PTPRN: variants seen among roughly 807,000 people sequenced by gnomAD.
PTPRN encodes receptor-type tyrosine-protein phosphatase-like N.
PTPRN carries 70 observed loss-of-function variants against 108.5 expected under a neutral mutation model. The ratio of observed to expected loss-of-function variants is 0.65; its 90% confidence interval spans 0.53 to 0.79. The LOEUF (loss-of-function observed/expected upper bound fraction) is 0.79, where lower values mean the gene tolerates loss of function less well. PTPRN is among the 30% of genes least tolerant of loss of function. The pLI is 0.00. For synonymous variants in PTPRN, 496 were observed against 524.6 expected (o/e 0.95, Z 0.75); for missense variants, 1,136 against 1,295.5 (o/e 0.88, Z 1.89).
chr2:219,295,130 C>T lies in PTPRN; in HGVS notation c.2520G>A (p.Val840=), dbSNP rs759397055. 6.2e-6 allele frequency: 10 copies of T among 1,610,416 alleles called. No homozygotes were observed. In the South Asian group the frequency reaches 7.7e-5, roughly 12 times the overall value. ...AGTCCTCGCACCAGATGTGCTCCGACACCAGGTTCACCTGCCCGGCAGGGG... is the reference window on the plus strand; with the variant it reads ...AGTCCTCGCACCAGATGTGCTCCGATACCAGGTTCACCTGCCCGGCAGGGG... ...SLYHVYEVNL[V]SEHIWCEDFL... is the part of the protein sequence containing the mutation. Residue 840 remains valine (V), a synonymous_variant, in exon 19 of 23, where the codon GTG becomes GTA. Transcript: ENST00000295718.
intron 3 of PTPRN, among the ~76,000 whole-genome samples, chr2:219,305,215 T>C (rs371211736): frequency 6.6e-6 from 1 of 152,050 alleles, no homozygotes; most frequent in Admixed American, 6.6e-5. Flanking sequence ...TGAGAGGAAG[T>C]TGATGGTTCC....
At chr2:219,294,057 TG>T (rs772305631) in intron 19 of PTPRN, 29 of 516,430 alleles carry the variant, frequency 5.6e-5, no homozygotes, top group Admixed American at 2.0e-4. Flanking sequence ...CTGTACCCCT[TG>T]CTCCCAGCTC....
intron 12 of PTPRN, 139 bp downstream of exon 12, chr2:219,298,908 G>C (rs1952270020): frequency 1.1e-6 from 1 of 949,270 alleles, no homozygotes; most frequent in Non-Finnish European, 1.7e-6. Flanking sequence ...GGGAGGGGCT[G>C]CTTGGGCGAA....
rs1485465859 is a variant in PTPRN, at chr2:219,303,740, C to T, written c.372G>A (p.Arg124=). 6.2e-7 allele frequency: 1 copy of T among 1,613,532 alleles called. No individual in the cohort carries two copies. Among genetic ancestry groups the T allele is most frequent in the Non-Finnish European group, 8.5e-7 (1 of 1,179,528 alleles). The change falls in exon 4 of 23, where the codon AGG becomes AGA. Residue 124 remains arginine, a synonymous_variant. Transcript: ENST00000295718. The part of the protein sequence containing the change: ...PRLRPPEPRP[R]DRSGLAPKRP... ...TGTAGAGAAAGGCTGCCTACCTGTCCCTTGGACGGGGCTCTGGGGGGCGAA... is the reference window on the plus strand; with the variant it reads ...TGTAGAGAAAGGCTGCCTACCTGTCTCTTGGACGGGGCTCTGGGGGGCGAA...
chr2:219,290,981 G>A lies in PTPRN; in HGVS notation c.2730-91C>T, dbSNP rs906098916. On this transcript the variant is annotated intron_variant, in intron 20 of 22. Transcript: ENST00000295718. This position sits in a 1 kb window ranked among gnomAD's most constrained non-coding sequence, Gnocchi z 4.2. The stretch of plus-strand genomic sequence containing the variant: ...CGAGGAGGCCTGGAGGCCTGGGGGA[G>A]GGGAGGACACTGGGTGACCCGTTGG... The A allele has an allele frequency of 1.3e-5, 17 of 1,297,030 alleles. No individual in the cohort carries two copies. The highest frequency in any genetic ancestry group is 1.8e-4 in the Middle Eastern group (1 of 5,472). The allele number at this position is 1,297,030 out of a possible 1,614,324, so 80.3% of individuals were successfully genotyped here.
rs928328324 is a variant in PTPRN, at chr2:219,290,440, G to A, written c.2868+98C>T. On this transcript the variant is annotated intron_variant, in intron 22 of 22. Transcript: ENST00000295718. This position sits in a 1 kb window ranked among gnomAD's most constrained non-coding sequence, Gnocchi z 4.2. ...CCTCCTGGAGGAGGCGCAGAAGCAGGTGGGAAAGGTTGGCAGCTGCTGCTT... is the reference window on the plus strand; with the variant it reads ...CCTCCTGGAGGAGGCGCAGAAGCAGATGGGAAAGGTTGGCAGCTGCTGCTT... 6 of 1,399,436 alleles carry A rather than the reference G, an allele frequency of 4.3e-6. No individual in the cohort carries two copies. In the African/African-American group the frequency reaches 7.2e-5, roughly 17 times the overall value. The allele number at this position is 1,399,436 out of a possible 1,614,324, so 86.7% of individuals were successfully genotyped here.
intron 19 of PTPRN, chr2:219,292,766 G>A (rs1453063030): frequency 1.3e-5 from 2 of 152,132 alleles, no homozygotes; most frequent in African/African-American, 4.8e-5. Flanking sequence ...GTTGGGAACC[G>A]AGCCGCATAG....
In PTPRN at chr2:219,303,747, C is replaced by T. The variant is rs530841522; in HGVS notation, c.365G>A (p.Arg122His). 2.5e-5 allele frequency: 40 copies of T among 1,613,824 alleles called. No individual in the cohort carries two copies. The highest frequency in any genetic ancestry group is 2.0e-4 in the East Asian group (9 of 44,882). ...RIPRLRPPEP[R>H]PRDRSGLAPK... ...AAAGGCTGCCTACCTGTCCCTTGGA[C>T]GGGGCTCTGGGGGGCGAAGCCTGGG... The change falls in exon 4 of 23, where the codon CGT (arginine) becomes CAT (histidine). Residue 122 changes from arginine to histidine, a missense_variant. Coordinates refer to ENST00000295718, the MANE Select transcript of PTPRN (RefSeq NM_002846.4).
intron 6 of PTPRN, 25 bp from the exon 7 acceptor site, chr2:219,301,744 T>G (rs1226970802): frequency 1.3e-6 from 2 of 1,592,058 alleles, no homozygotes; most frequent in Non-Finnish European, 1.7e-6. Flanking sequence ...ACACAGAGCT[T>G]AGGGCTGATT....
chr2:219,300,846 G>A, intron 8 of PTPRN, 97 bp downstream of exon 8: 1 of 1,372,616 alleles, frequency 7.3e-7, no homozygotes, highest in Non-Finnish European at 1.0e-6. Context: ...AGGGGTGGGA[G>A]GATACAGATT....
Position 219,299,716 on chromosome 2 carries a change from T to C in PTPRN, c.1507A>G (p.Ser503Gly). 3 of 1,601,414 alleles carry C rather than the reference T, an allele frequency of 1.9e-6. No homozygotes were observed. The highest frequency in any genetic ancestry group is 4.5e-5 in the East Asian group (2 of 44,510). ...LAEHVHMSSG[S>G]FINISVVGPA... ...CAGCCCCACCTGATGTTGATGAAGC[T>C]GCCTGAGGACATGTGCACATGCTCA... Residue 503 changes from serine to glycine, a missense_variant, in exon 10 of 23, where the codon AGC becomes GGC. Ser to Gly is a moderately conservative substitution (Grantham distance 56). Transcript: ENST00000295718.
Position 219,295,074 on chromosome 2 carries a change from A to C in PTPRN, c.2576T>G (p.Val859Gly), listed in dbSNP as rs151230230. ...FLVRSFYLKN[V>G]QTQETRTLTQ... ...GAGCGTGCGCGTCTCCTGGGTCTGC[A>C]CGTTCTTCAGGTAGAAGCTCCGCAC... Residue 859 changes from valine (V) to glycine (G), a missense_variant, in exon 19 of 23, where the codon GTG becomes GGG. Physicochemically the swap from Val to Gly is moderately radical, Grantham distance 109. Transcript: ENST00000295718. 208 of 1,613,446 alleles carry C rather than the reference A, an allele frequency of 1.3e-4. No homozygotes were observed. The highest frequency in any genetic ancestry group is 1.7e-4 in the Non-Finnish European group (201 of 1,179,684).
chr2:219,290,477 G>C lies in PTPRN; in HGVS notation c.2868+61C>G. The C allele has an allele frequency of 1.3e-6, 2 of 1,489,436 alleles. No homozygotes were observed. Among genetic ancestry groups the C allele is most frequent in the Non-Finnish European group, 1.8e-6 (2 of 1,092,432 alleles). The allele number at this position is 1,489,436 out of a possible 1,614,324, so 92.3% of individuals were successfully genotyped here. Reference sequence around the variant, plus strand: ...GGCAGCTGCTGCTTTCCCTGGGGTGGCCAAGAAGTGGGTGCTAGGGAAGGG... The same window carrying C: ...GGCAGCTGCTGCTTTCCCTGGGGTGCCCAAGAAGTGGGTGCTAGGGAAGGG... On this transcript the variant is annotated intron_variant, in intron 22 of 22. Coordinates refer to ENST00000295718, the MANE Select transcript of PTPRN (RefSeq NM_002846.4). The surrounding 1 kb of genome is among the most constrained non-coding windows in gnomAD (Gnocchi z 4.2).
rs767849343 is a variant in PTPRN, at chr2:219,291,458, C to T, written c.2729+12G>A. On this transcript the variant is annotated intron_variant, in intron 20 of 22. Coordinates refer to ENST00000295718, the MANE Select transcript of PTPRN (RefSeq NM_002846.4). ...GAGTGGGACCAGAGAGATGAATCTC[C>T]TCTCCACCCACCTGCAGTGCACGAT... The T allele has an allele frequency of 1.9e-6, 3 of 1,613,382 alleles. No homozygotes were observed. In the South Asian group the frequency reaches 3.3e-5, roughly 18 times the overall value.
chr2:219,295,096 G>T lies in PTPRN; in HGVS notation c.2554C>A (p.Arg852=). 1.2e-6 allele frequency: 2 copies of T among 1,613,218 alleles called. No homozygotes were observed. The highest frequency in any genetic ancestry group is 8.5e-7 in the Non-Finnish European group (1 of 1,179,512). The stretch of plus-strand genomic sequence containing the variant: ...TGCACGTTCTTCAGGTAGAAGCTCC[G>T]CACCAGAAAGTCCTCGCACCAGATG... ...EHIWCEDFLV[R]SFYLKNVQTQ... The change falls in exon 19 of 23, where the codon CGG becomes AGG. Residue 852 remains arginine, a synonymous_variant. Transcript: ENST00000295718.
At position 219,295,087 on chromosome 2, in the gene PTPRN, A is replaced by G; in HGVS notation, c.2563T>C (p.Tyr855His). 6.2e-7 allele frequency: 1 copy of G among 1,613,536 alleles called. No individual in the cohort carries two copies. Among genetic ancestry groups the G allele is most frequent in the Non-Finnish European group, 8.5e-7 (1 of 1,179,632 alleles). The change falls in exon 19 of 23, where the codon TAC becomes CAC. Residue 855 changes from tyrosine to histidine, a missense_variant. Tyr to His is a moderately conservative substitution (Grantham distance 83). Coordinates refer to ENST00000295718, the MANE Select transcript of PTPRN (RefSeq NM_002846.4). Reference sequence around the variant, plus strand: ...TCCTGGGTCTGCACGTTCTTCAGGTAGAAGCTCCGCACCAGAAAGTCCTCG... The same window carrying G: ...TCCTGGGTCTGCACGTTCTTCAGGTGGAAGCTCCGCACCAGAAAGTCCTCG... ...WCEDFLVRSFYLKNVQTQETR... is the reference protein window; with the variant it reads ...WCEDFLVRSFHLKNVQTQETR...
intron 10 of PTPRN, 108 bp from the exon 11 acceptor site, chr2:219,299,492 C>T (rs1371675088): frequency 1.4e-5 from 19 of 1,334,854 alleles, no homozygotes; most frequent in East Asian, 7.0e-5. Context: ...TGGAGCAGAT[C>T]GGGGATGCCC....
At chr2:219,298,189 CCT>C (rs1472498821) in intron 12 of PTPRN, 86 bp from the exon 13 acceptor site, 56 of 1,312,810 alleles carry the variant, frequency 4.3e-5, no homozygotes, top group Non-Finnish European at 5.6e-5. Flanking sequence ...TGCCACACCC[CCT>C]GTTAGGACAT....
chr2:219,299,216 T>C, intron 11 of PTPRN, 89 bp downstream of exon 11: 1 of 1,600,634 alleles, frequency 6.2e-7, no homozygotes, highest in South Asian at 1.1e-5. Flanking sequence ...TGGGAACATT[T>C]CAAGGGGGCA....
Sources: gnomAD v4.1 joint callset for allele counts (sites outside exome capture counted in the v4.1 genomes callset) on GRCh38, gnomAD v4.1.1 for gene constraint, Gnocchi (gnomAD v3.1) non-coding constraint, MANE v1.5 for transcripts, NCBI Gene and HGNC (gene_info 2026-07-23, HGNC 2026-07-21) for gene names.